CEP72: variants seen among roughly 807,000 people sequenced by gnomAD.
CEP72 encodes centrosomal protein of 72 kDa.
Under a neutral mutation model 65.7 loss-of-function variants are expected in CEP72, and 78 were observed. That is an observed-to-expected ratio of 1.19 (90% CI 0.99 to 1.43). The LOEUF (loss-of-function observed/expected upper bound fraction) is 1.43, where lower values mean the gene tolerates loss of function less well. Ranked by LOEUF, CEP72 falls within the 40% of genes most tolerant of loss-of-function variation. CEP72 has a pLI of 0.00. For missense variants in CEP72, 914 were observed against 832.9 expected (o/e 1.10, Z -1.20); for synonymous variants, 358 against 351.7 (o/e 1.02, Z -0.20).
downstream of CEP72, among the ~76,000 whole-genome samples, chr5:669,578 C>T (rs996881259): frequency 1.3e-5 from 2 of 152,190 alleles, no homozygotes; most frequent in Non-Finnish European, 2.9e-5. Flanking sequence ...GCCTGACTGC[C>T]AGCCTGGTGA....
chr5:670,319 A>G (rs1343504535), downstream of CEP72, among the ~76,000 whole-genome samples: 1 of 152,046 alleles, frequency 6.6e-6, no homozygotes, highest in Non-Finnish European at 1.5e-5. Context: ...GACAGCTACC[A>G]GCTCCCCTGG....
At chr5:646,007 G>A (rs866169589) in intron 10 of CEP72, among the ~76,000 whole-genome samples, 3 of 150,752 alleles carry the variant, frequency 2.0e-5, no homozygotes, top group Non-Finnish European at 1.5e-5. Flanking sequence ...CTGTGGGAGC[G>A]TCACTCTTGC....
At chr5:658,964 G>A (rs183011186), downstream of CEP72, among the ~76,000 whole-genome samples, 63 of 152,276 alleles carry the variant, frequency 4.1e-4, no homozygotes, top group Non-Finnish European at 6.6e-4. Flanking sequence ...CACCGCGCCC[G>A]GCCTCAGCGA....
chr5:647,775 A>G, intron 10 of CEP72, 30 bp from the exon 11 acceptor site: 2 of 1,453,776 alleles, frequency 1.4e-6, no homozygotes, highest in East Asian at 2.3e-5. Context: ...TTACTCATTA[A>G]TGGTACTTTT....
chr5:644,412 T>G lies in CEP72; in HGVS notation c.1653T>G (p.Asn551Lys), dbSNP rs773061348. ...GTGCAGACACTGCAGCCACGTTAAATTTGCAGATCGCTGGTAAGTTGATCG... is the reference window on the plus strand; with the variant it reads ...GTGCAGACACTGCAGCCACGTTAAAGTTGCAGATCGCTGGTAAGTTGATCG... ...VKSADTAATL[N>K]LQIAGLQTSV... The change falls in exon 10 of 12, where the codon AAT becomes AAG. Residue 551 changes from asparagine (N) to lysine (K), a missense_variant. Coordinates refer to ENST00000264935, the MANE Select transcript of CEP72 (RefSeq NM_018140.4). 14 of 1,613,818 alleles carry G rather than the reference T, an allele frequency of 8.7e-6. No homozygotes were observed. The South Asian group carries it at 1.3e-4, about 15-fold the overall frequency.
intron 1 of CEP72, among the ~76,000 whole-genome samples, chr5:615,462 T>G (rs565767433): frequency 1.3e-5 from 2 of 152,308 alleles, no homozygotes; most frequent in African/African-American, 4.8e-5. Context: ...GTAATTTTCT[T>G]TGTTGAGACA....
chr5:634,331 A>G (rs1737442146), intron 5 of CEP72, among the ~76,000 whole-genome samples: 2 of 152,106 alleles, frequency 1.3e-5, no homozygotes, highest in African/African-American at 4.8e-5. Context: ...CCACGTGCAG[A>G]CCTGTAGATC....
At position 619,415 on chromosome 5, in the gene CEP72, C is replaced by T. The variant is rs556104797; in HGVS notation, c.210+298C>T. 5.3e-5 allele frequency among the ~76,000 whole-genome samples: 8 copies of T among 152,288 alleles called. No homozygotes were observed. In the South Asian group the frequency reaches 1.5e-3, roughly 28 times the overall value. On this transcript the variant is annotated intron_variant, in intron 2 of 11. Coordinates refer to ENST00000264935, the MANE Select transcript of CEP72 (RefSeq NM_018140.4). ...GCCTCCTGGGCTCCTGGCAGGGTCACCCTGGAGAGAGATGCCTAGGTGGTG... is the reference window on the plus strand; with the variant it reads ...GCCTCCTGGGCTCCTGGCAGGGTCATCCTGGAGAGAGATGCCTAGGTGGTG...
chr5:644,585 G>T (rs1243752876), intron 10 of CEP72, among the ~76,000 whole-genome samples, 160 bp downstream of exon 10: 2 of 152,224 alleles, frequency 1.3e-5, no homozygotes, highest in African/African-American at 4.8e-5. Flanking sequence ...GGTGGAGGCT[G>T]CCTCGGCCGG....
chr5:633,843 C>G lies in CEP72; in HGVS notation c.587C>G (p.Ala196Gly), dbSNP rs773198799. Residue 196 changes from alanine to glycine, a missense_variant, in exon 5 of 12, where the codon GCA (alanine) becomes GGA (glycine). Coordinates refer to ENST00000264935, the MANE Select transcript of CEP72 (RefSeq NM_018140.4). The part of the protein sequence containing the change: ...QSLVMDADDE[A>G]VLNLIAECEW... ...CTGGTCATGGATGCGGATGACGAGG[C>G]AGTCCTGAACCTCATTGCAGAGTGC... 13 of 1,613,912 alleles carry G rather than the reference C, an allele frequency of 8.1e-6. No individual in the cohort carries two copies. The highest frequency in any genetic ancestry group is 3.3e-5 in the Admixed American group (2 of 60,014).
intron 4 of CEP72, chr5:666,160 C>T: frequency 6.5e-7 from 1 of 1,543,354 alleles, no homozygotes; most frequent in African/African-American, 1.7e-5. Flanking sequence ...TGGGCGCGGG[C>T]CGGCCCAGGG....
chr5:629,599 G>A (rs1279006411), intron 4 of CEP72, among the ~76,000 whole-genome samples: 4 of 112,706 alleles, frequency 3.5e-5, no homozygotes, highest in African/African-American at 1.5e-4. Context: ...GTGGGGTTCT[G>A]TCCAGTGCCG....
At position 635,454 on chromosome 5, in the gene CEP72, C is replaced by A; in HGVS notation, c.774C>A (p.Ser258Arg). The change falls in exon 6 of 12, where the codon AGC becomes AGA. Residue 258 changes from serine to arginine, a missense_variant. Coordinates refer to ENST00000264935, the MANE Select transcript of CEP72 (RefSeq NM_018140.4). The part of the protein sequence containing the change: ...SGKQGRETRR[S>R]SCRGCCLEKM... ...AGCAGGGCCGTGAGACGAGGAGGAG[C>A]AGCTGCAGAGGGTGCTGTCTGGAGA... 1 of 1,614,076 alleles carries A rather than the reference C, an allele frequency of 6.2e-7. No homozygotes were observed. The highest frequency in any genetic ancestry group is 1.3e-5 in the African/African-American group (1 of 75,052).
At chr5:673,019 T>G in the CEP72 span, among the ~76,000 whole-genome samples, 1 of 152,190 alleles carries the variant, frequency 6.6e-6, no homozygotes, top group Non-Finnish European at 1.5e-5. Context: ...TCGGTAGACT[T>G]TTTCTCCACA....
At chr5:671,592 G>C (rs931705830), downstream of CEP72, among the ~76,000 whole-genome samples, 1 of 152,232 alleles carries the variant, frequency 6.6e-6, no homozygotes, top group African/African-American at 2.4e-5. Flanking sequence ...GCCGCACAGT[G>C]CTCTGGGGAT....
At chr5:640,289 CCCTA>C (rs59209556) in intron 8 of CEP72, 115 bp from the exon 9 acceptor site, 246,459 of 1,398,096 alleles carry the variant, frequency 0.18, 23,761 homozygotes, top group Non-Finnish European at 0.2. Flanking sequence ...TTTCCCCTCT[CCCTA>C]CCTGTCGTCT....
At chr5:663,009 G>C (rs1196470851) in intron 1 of CEP72, 3 of 151,196 alleles carry the variant, frequency 2.0e-5, no homozygotes, top group Non-Finnish European at 2.9e-5. Flanking sequence ...GGGCGAGTCT[G>C]GTGACCGCTC....
chr5:658,423 G>A (rs1739440759), downstream of CEP72, among the ~76,000 whole-genome samples: 1 of 152,188 alleles, frequency 6.6e-6, no homozygotes, highest in Admixed American at 6.5e-5. Context: ...CTCAGCATCT[G>A]CCTCCCGGGG....
At chr5:659,844 C>T (rs1028006289), downstream of CEP72, 1 of 152,432 alleles carries the variant, frequency 6.6e-6, no homozygotes, top group African/African-American at 2.4e-5. Flanking sequence ...GACACGTGTG[C>T]TCTGAGGAAC....
Sources: gnomAD v4.1 joint callset for allele counts (sites outside exome capture counted in the v4.1 genomes callset) on GRCh38, gnomAD v4.1.1 for gene constraint, MANE v1.5 for transcripts, NCBI Gene and HGNC (gene_info 2026-07-23, HGNC 2026-07-21) for gene names.